ZNF649: variants seen among roughly 807,000 people sequenced by gnomAD.
ZNF649 encodes the protein zinc finger protein 649.
A neutral mutation model predicts 14.1 loss-of-function variants in ZNF649; 7 were observed. That is an observed-to-expected ratio of 0.49 (90% confidence interval 0.28 to 0.93). The LOEUF (loss-of-function observed/expected upper bound fraction) is 0.93, where lower values mean the gene tolerates loss of function less well. Ranked by LOEUF, ZNF649 falls within the 40% of genes least tolerant of loss-of-function variation. ZNF649 has a pLI of 0.10. For synonymous variants in ZNF649, 227 were observed against 212.3 expected (o/e 1.07, Z -0.60); for missense variants, 544 against 608.1 (o/e 0.89, Z 1.11).
At chr19:51,904,364 T>C (rs1184064463) in intron 1 of ZNF649, 1 of 152,150 alleles carries the variant, frequency 6.6e-6, no homozygotes, top group African/African-American at 2.4e-5. Context: ...GCAATTTCCC[T>C]GTCTTAACAA....
At chr19:51,902,832 C>A (rs922798469) in intron 1 of ZNF649, among the ~76,000 whole-genome samples, 1 of 152,138 alleles carries the variant, frequency 6.6e-6, no homozygotes, top group Non-Finnish European at 1.5e-5. Flanking sequence ...TTTCAGTGAT[C>A]GAGAACTACT....
chr19:51,890,787 CTCTTA>C lies in ZNF649; in HGVS notation c.1344_1348del (p.His448GlnfsTer27). On this transcript the variant is annotated frameshift_variant, in exon 5 of 5. Transcript: ENST00000354957. LOFTEE classifies it low-confidence loss of function (END_TRUNC). ...CCCCCGTTTCTCCCTTGAGTGTATT[CTCTTA>C]TGTTTAACAAGGCAAGACATATAGA... 1.2e-6 allele frequency: 2 copies of C among 1,614,210 alleles called. No individual in the cohort carries two copies. The highest frequency in any genetic ancestry group is 1.7e-6 in the Non-Finnish European group (2 of 1,180,034).
chr19:51,894,362 G>T (rs1248071145), intron 4 of ZNF649, among the ~76,000 whole-genome samples: 1 of 152,140 alleles, frequency 6.6e-6, no homozygotes, highest in Non-Finnish European at 1.5e-5. Context: ...TCAAACTCCT[G>T]ACCTCAGGTG....
chr19:51,891,465 T>C lies in ZNF649; in HGVS notation c.671A>G (p.His224Arg). The change falls in exon 5 of 5, where the codon CAC becomes CGC. Residue 224 changes from histidine to arginine, a missense_variant. By Grantham distance (29) the His-to-Arg change is conservative (BLOSUM62 0). Transcript: ENST00000354957. The surrounding 1 kb of genome is among the most constrained non-coding windows in gnomAD (Gnocchi z 4.2). ...AFYKKYRLTE[H>R]ERAHRGEKPH... ...TTTCTCTCCTCTGTGAGCTCTCTCGTGTTCAGTGAGCCTGTACTTCTTGTA... is the reference window on the plus strand; with the variant it reads ...TTTCTCTCCTCTGTGAGCTCTCTCGCGTTCAGTGAGCCTGTACTTCTTGTA... The C allele has an allele frequency of 6.2e-7, 1 of 1,614,032 alleles. No individual in the cohort carries two copies. The highest frequency in any genetic ancestry group is 8.5e-7 in the Non-Finnish European group (1 of 1,179,860).
At chr19:51,898,037 G>A (rs1435245528) in intron 2 of ZNF649, among the ~76,000 whole-genome samples, 1 of 149,120 alleles carries the variant, frequency 6.7e-6, no homozygotes, top group Non-Finnish European at 1.5e-5. Flanking sequence ...TGCAGAGGTT[G>A]CAGTGAGCGA....
At chr19:51,898,089 C>A (rs1338621976) in intron 2 of ZNF649, among the ~76,000 whole-genome samples, 1 of 126,614 alleles carries the variant, frequency 7.9e-6, no homozygotes, top group Non-Finnish European at 1.6e-5. Flanking sequence ...CAAAGTAAGA[C>A]TGTCTCAAAA....
intron 4 of ZNF649, among the ~76,000 whole-genome samples, chr19:51,893,049 A>G (rs946198240): frequency 6.6e-6 from 1 of 152,128 alleles, no homozygotes; most frequent in African/African-American, 2.4e-5. Context: ...CACCCCCAAC[A>G]GCATTCCACA....
chr19:51,892,491 C>T (rs1324863987), intron 4 of ZNF649, among the ~76,000 whole-genome samples: 1 of 151,914 alleles, frequency 6.6e-6, no homozygotes, highest in East Asian at 1.9e-4. Context: ...CCAGCCTGGG[C>T]TACAATAGGG....
Position 51,891,920 on chromosome 19 carries a change from C to G in ZNF649, c.239-23G>C. 2 of 1,530,234 alleles carry G rather than the reference C, an allele frequency of 1.3e-6. No individual in the cohort carries two copies. Among genetic ancestry groups the G allele is most frequent in the Non-Finnish European group, 1.7e-6 (2 of 1,145,940 alleles). 94.8% of individuals were successfully genotyped at this position (1,530,234 alleles called of 1,614,324 possible). On this transcript the variant is annotated intron_variant, in intron 4 of 4. Coordinates refer to ENST00000354957, the MANE Select transcript of ZNF649 (RefSeq NM_023074.4). The surrounding 1 kb of genome is among the most constrained non-coding windows in gnomAD (Gnocchi z 4.2). Reference sequence around the variant, plus strand: ...TTTCTAAGAGAGAGAACAATAAATCCTTCCATGATCATCACACGGAATAAA... The same window carrying G: ...TTTCTAAGAGAGAGAACAATAAATCGTTCCATGATCATCACACGGAATAAA...
chr19:51,904,575 C>G (rs972535018), intron 1 of ZNF649, among the ~76,000 whole-genome samples: 3 of 152,144 alleles, frequency 2.0e-5, no homozygotes, highest in South Asian at 2.1e-4. Flanking sequence ...GCCCAGCACC[C>G]CGGCTTCATC....
chr19:51,894,164 GCT>G (rs890115056), intron 4 of ZNF649, among the ~76,000 whole-genome samples: 51 of 150,034 alleles, frequency 3.4e-4, no homozygotes, highest in African/African-American at 1.3e-3. Context: ...ATGGAGTCTT[GCT>G]CTGTCACCCA....
In ZNF649 at chr19:51,890,682, A is replaced by T. The variant is rs772451613; in HGVS notation, c.1454T>A (p.Val485Asp). The T allele has an allele frequency of 6.2e-7, 1 of 1,614,190 alleles. No homozygotes were observed. The highest frequency in any genetic ancestry group is 1.1e-5 in the South Asian group (1 of 91,080). ...CACCATTGCCACAGTTACCATATTA[A>T]CAGGGCTTTTCCCCTGCACATGTTC... ...PSEHVQGKSP[V>D]NMVTVAMVAG... is the part of the protein sequence containing the mutation. Residue 485 changes from valine to aspartate, a missense_variant, in exon 5 of 5, where the codon GTT (valine) becomes GAT (aspartate). By Grantham distance (152) the Val-to-Asp change is radical. Transcript: ENST00000354957.
intron 4 of ZNF649, among the ~76,000 whole-genome samples, chr19:51,893,021 T>C (rs927002480): frequency 6.6e-6 from 1 of 152,158 alleles, no homozygotes; most frequent in Non-Finnish European, 1.5e-5. Context: ...CACCAGATGC[T>C]GACTAACTGA....
chr19:51,895,022 C>T lies in ZNF649; in HGVS notation c.238+1450G>A, dbSNP rs765581934. On this transcript the variant is annotated intron_variant, in intron 4 of 4. Coordinates refer to ENST00000354957, the MANE Select transcript of ZNF649 (RefSeq NM_023074.4). The stretch of plus-strand genomic sequence containing the variant: ...TCTTCAGCCTGGCTAATCTGTCCTT[C>T]GATGAAGAAATGCATGAATGACCAA... Among the ~76,000 whole-genome samples the T allele has an allele frequency of 5.3e-4, 80 of 152,230 alleles. No individual in the cohort carries two copies. In the Middle Eastern group the frequency reaches 0.01, roughly 19 times the overall value.
At position 51,891,681 on chromosome 19, in the gene ZNF649, A is replaced by G; in HGVS notation, c.455T>C (p.Phe152Ser). 1 of 1,613,640 alleles carries G rather than the reference A, an allele frequency of 6.2e-7. No individual in the cohort carries two copies. The highest frequency in any genetic ancestry group is 2.2e-5 in the East Asian group (1 of 44,884). ...NHEQMPTEIE[F>S]PESRKPISTK... ...GCTGATGGGTTTTCTACTTTCAGGGAATTCAATTTCCGTAGGCATTTGTTC... is the reference window on the plus strand; with the variant it reads ...GCTGATGGGTTTTCTACTTTCAGGGGATTCAATTTCCGTAGGCATTTGTTC... The change falls in exon 5 of 5, where the codon TTC becomes TCC. Residue 152 changes from phenylalanine (F) to serine (S), a missense_variant. Coordinates refer to ENST00000354957, the MANE Select transcript of ZNF649 (RefSeq NM_023074.4). This position sits in a 1 kb window ranked among gnomAD's most constrained non-coding sequence, Gnocchi z 4.2.
chr19:51,904,626 G>A (rs905370767), intron 1 of ZNF649, among the ~76,000 whole-genome samples: 2 of 151,924 alleles, frequency 1.3e-5, no homozygotes, highest in Non-Finnish European at 2.9e-5. Flanking sequence ...TAATAATGGC[G>A]TCGGTGATAA....
In ZNF649 at chr19:51,889,411, C is replaced by A. The variant is rs2085000221; in HGVS notation, c.*1207G>T. On this transcript the variant is annotated 3_prime_UTR_variant, in exon 5 of 5. Coordinates refer to ENST00000354957, the MANE Select transcript of ZNF649 (RefSeq NM_023074.4). ...TCCAGAGGCTGAGGAGTCTCTAGAA[C>A]TGGACTCTAAAACACAATCAAGGTG... is the stretch of plus-strand genomic sequence containing the variant. 2 of 152,188 alleles carry A rather than the reference C, an allele frequency of 1.3e-5. No individual in the cohort carries two copies. Among genetic ancestry groups the A allele is most frequent in the African/African-American group, 4.8e-5 (2 of 41,444 alleles). 9.4% of individuals were successfully genotyped at this position (152,188 alleles called of 1,614,324 possible). A position where few individuals can be genotyped will look rare whatever the true frequency, so the allele number is the denominator to read the frequency against.
At chr19:51,892,872 C>A (rs992866250) in intron 4 of ZNF649, among the ~76,000 whole-genome samples, 1 of 152,200 alleles carries the variant, frequency 6.6e-6, no homozygotes, top group Non-Finnish European at 1.5e-5. Context: ...GTCACACACC[C>A]CCTACATTTA....
intron 1 of ZNF649, among the ~76,000 whole-genome samples, chr19:51,901,193 C>A (rs1476646270): frequency 6.6e-6 from 1 of 152,148 alleles, no homozygotes; most frequent in Non-Finnish European, 1.5e-5. Context: ...AAGGTGCTCA[C>A]TGCCTAACAT....
Sources: allele counts gnomAD v4.1 joint callset (sites outside exome capture counted in the v4.1 genomes callset), GRCh38; gene constraint gnomAD v4.1.1; non-coding constraint Gnocchi (gnomAD v3.1); transcripts MANE v1.5; gene names NCBI Gene and HGNC (gene_info 2026-07-23, HGNC 2026-07-21).